COL21A1: variants seen among roughly 807,000 people sequenced by gnomAD.
COL21A1 encodes the protein collagen alpha-1(XXI) chain.
In COL21A1, 149 loss-of-function variants were observed where a neutral mutation model predicts 137.9. The observed-to-expected ratio is 1.08, with a 90% CI of 0.95 to 1.24. The LOEUF (loss-of-function observed/expected upper bound fraction) is 1.24. Ranked by LOEUF, COL21A1 falls within the 50% of genes most tolerant of loss-of-function variation. COL21A1 has a pLI of 0.00. For synonymous variants in COL21A1, 456 were observed against 391.5 expected (o/e 1.16, Z -1.95); for missense variants, 1,167 against 1,158.4 (o/e 1.01, Z -0.11).
In COL21A1 at chr6:56,258,719, G is replaced by A. The variant is rs115293816; in HGVS notation, c.-38-76063C>T. 6.1e-3 allele frequency among the ~76,000 whole-genome samples: 933 copies of A among 152,144 alleles called. 13 individuals are homozygous for A. Among genetic ancestry groups the A allele is most frequent in the African/African-American group, 0.021 (866 of 41,500 alleles). ...TTAACTGATAATGGCTCACATTGTAGGACCTCCAGAAATATTTTTATATTT... is the reference window on the plus strand; with the variant it reads ...TTAACTGATAATGGCTCACATTGTAAGACCTCCAGAAATATTTTTATATTT... On this transcript the variant is annotated intron_variant, in intron 1 of 28. Transcript: ENST00000370819.
chr6:56,142,035 G>A (rs1219929065), intron 10 of COL21A1, 52 bp from the exon 11 acceptor site: 7 of 1,333,240 alleles, frequency 5.3e-6, no homozygotes, highest in Non-Finnish European at 7.2e-6. Flanking sequence ...TATTTACCAA[G>A]AGAAGTTCTT....
At chr6:56,185,237 A>G (rs1778187796) in intron 1 of COL21A1, among the ~76,000 whole-genome samples, 2 of 151,938 alleles carry the variant, frequency 1.3e-5, no homozygotes, top group Admixed American at 6.5e-5. Context: ...AATTTGAAAG[A>G]CAATTAAAAA....
chr6:56,185,593 G>A (rs962902670), intron 1 of COL21A1, among the ~76,000 whole-genome samples: 5 of 151,106 alleles, frequency 3.3e-5, no homozygotes, highest in African/African-American at 1.2e-4. Flanking sequence ...CCGCCACTAC[G>A]CCCGGCTAAT....
At chr6:56,150,514 TCACACACACACA>T (rs747022399) in intron 10 of COL21A1, among the ~76,000 whole-genome samples, 27 of 46,198 alleles carry the variant, frequency 5.8e-4, no homozygotes, top group South Asian at 5.3e-3. Context: ...CGAGACTCCA[TCACACACACACA>T]CACACACACA....
intron 1 of COL21A1, among the ~76,000 whole-genome samples, chr6:56,222,976 A>AT (rs944699914): frequency 5.4e-4 from 80 of 148,644 alleles, no homozygotes; most frequent in East Asian, 9.9e-4. Context: ...CTCAATCAGT[A>AT]TTTTTTTTTT....
intron 10 of COL21A1, among the ~76,000 whole-genome samples, chr6:56,144,192 G>A (rs1006164620): frequency 6.6e-6 from 1 of 152,116 alleles, no homozygotes; most frequent in Non-Finnish European, 1.5e-5. Flanking sequence ...CTTTAATGTA[G>A]GTTCTAAATT....
chr6:56,300,220 A>G (rs1468235988), intron 1 of COL21A1, among the ~76,000 whole-genome samples: 1 of 152,070 alleles, frequency 6.6e-6, no homozygotes, highest in Non-Finnish European at 1.5e-5. Flanking sequence ...ATAAAATGAT[A>G]TTTTTATGGG....
At chr6:56,325,490 A>C (rs188783419) in intron 1 of COL21A1, among the ~76,000 whole-genome samples, 1 of 4,784 alleles carries the variant, frequency 2.1e-4, no homozygotes, top group Non-Finnish European at 6.0e-4. Context: ...TATAATATAT[A>C]TTATATATTA....
intron 1 of COL21A1, among the ~76,000 whole-genome samples, chr6:56,353,048 A>G (rs1028746117): frequency 6.6e-6 from 1 of 152,148 alleles, no homozygotes; most frequent in Non-Finnish European, 1.5e-5. Flanking sequence ...TCAAAGAAAA[A>G]AAAAGAAGAA....
chr6:56,379,110 G>A (rs1040303531), intron 1 of COL21A1, among the ~76,000 whole-genome samples: 3 of 152,128 alleles, frequency 2.0e-5, no homozygotes, highest in East Asian at 1.9e-4. Context: ...AGAAGGGCGG[G>A]TACAAACAAG....
chr6:56,220,941 A>G (rs191579956), intron 1 of COL21A1, among the ~76,000 whole-genome samples: 224 of 152,270 alleles, frequency 1.5e-3, no homozygotes, highest in African/African-American at 4.6e-3. Flanking sequence ...CTTTGAGGTC[A>G]TATGACCTCT....
intron 12 of COL21A1, among the ~76,000 whole-genome samples, chr6:56,139,206 G>A (rs544843980): frequency 6.6e-5 from 10 of 152,102 alleles, no homozygotes; most frequent in Admixed American, 5.9e-4. Context: ...TCAGCAGAAT[G>A]GTGGCCCAAT....
At chr6:56,167,986 G>T (rs768422857) in intron 6 of COL21A1, 138 bp downstream of exon 6, 1 of 528,354 alleles carries the variant, frequency 1.9e-6, no homozygotes. Flanking sequence ...TTTCACTAAT[G>T]AACTGACCAC....
intron 1 of COL21A1, among the ~76,000 whole-genome samples, chr6:56,335,696 T>C (rs1765317678): frequency 6.6e-6 from 1 of 152,194 alleles, no homozygotes; most frequent in African/African-American, 2.4e-5. Context: ...AAAACACAAG[T>C]GACAATGGCC....
intron 10 of COL21A1, among the ~76,000 whole-genome samples, chr6:56,142,236 A>G (rs996898182): frequency 3.9e-5 from 6 of 152,164 alleles, no homozygotes; most frequent in Non-Finnish European, 8.8e-5. Flanking sequence ...TCTTAAATTA[A>G]GAGGAGAGTT....
chr6:56,357,139 T>C (rs1204120360), intron 1 of COL21A1, among the ~76,000 whole-genome samples: 2 of 152,234 alleles, frequency 1.3e-5, no homozygotes, highest in East Asian at 1.9e-4. Context: ...TCTTGCAAAG[T>C]CTGTTCTCTG....
chr6:56,330,315 C>T (rs146455004), intron 1 of COL21A1, among the ~76,000 whole-genome samples: 2,744 of 151,998 alleles, frequency 0.018, 78 homozygotes, highest in African/African-American at 0.062. Flanking sequence ...TGTAAATAAA[C>T]ACAGAGAGAA....
intron 1 of COL21A1, among the ~76,000 whole-genome samples, chr6:56,302,287 C>G (rs1237463081): frequency 6.6e-6 from 1 of 152,038 alleles, no homozygotes; most frequent in Non-Finnish European, 1.5e-5. Flanking sequence ...AGTTCTAGAT[C>G]CCTGAGGAAT....
At position 56,263,622 on chromosome 6, in the gene COL21A1, C is replaced by T. The variant is rs369029762; in HGVS notation, c.-38-80966G>A. Among the ~76,000 whole-genome samples, 8 of 152,158 alleles carry T rather than the reference C, an allele frequency of 5.3e-5. No individual in the cohort carries two copies. The East Asian group carries it at 5.8e-4, about 11-fold the overall frequency. ...AATGCCCACAGTCAGGGAAGCTAAG[C>T]GCATGTCCCCAGAATATTCCCAAAT... On this transcript the variant is annotated intron_variant, in intron 1 of 28. Coordinates refer to the COL21A1 transcript ENST00000370819.
Sources: gnomAD v4.1 joint callset for allele counts (sites outside exome capture counted in the v4.1 genomes callset) on GRCh38, gnomAD v4.1.1 for gene constraint, MANE v1.5 for transcripts, NCBI Gene and HGNC (gene_info 2026-07-23, HGNC 2026-07-21) for gene names.